ACTA2: variants seen among roughly 807,000 people sequenced by gnomAD.
The protein encoded by ACTA2 is actin alpha 2, smooth muscle.
Under a neutral mutation model 39.5 loss-of-function variants are expected in ACTA2, and 12 were observed. That is an observed-to-expected ratio of 0.30 (90% CI 0.19 to 0.49). ACTA2 has a LOEUF of 0.49. Ranked by LOEUF, ACTA2 falls within the 20% of genes least tolerant of loss-of-function variation. The pLI is 0.99. For synonymous variants in ACTA2, 158 were observed against 180.6 expected (o/e 0.88, Z 1.00); for missense variants, 236 against 498.8 (o/e 0.47, Z 5.02).
At chr10:88,952,033 A>C (rs1192696830) in intron 1 of ACTA2, among the ~76,000 whole-genome samples, 5 of 152,186 alleles carry the variant, frequency 3.3e-5, no homozygotes, top group African/African-American at 4.8e-5. Context: ...CAGCTGTCAG[A>C]TGCAGGCTCT....
intron 5 of ACTA2, 130 bp from the exon 6 acceptor site, chr10:88,941,520 G>T: frequency 8.2e-7 from 1 of 1,216,408 alleles, no homozygotes; most frequent in Non-Finnish European, 1.2e-6. Context: ...AACAGGGCAT[G>T]TGATAGGAGA....
chr10:88,963,025 CT>C (rs1846262148), intron 1 of ACTA2, among the ~76,000 whole-genome samples: 1 of 140,588 alleles, frequency 7.1e-6, no homozygotes, highest in Non-Finnish European at 1.5e-5. Flanking sequence ...TGGAACGCCC[CT>C]TTATGAAACC....
intron 1 of ACTA2, among the ~76,000 whole-genome samples, chr10:88,988,518 A>G (rs1468041503): frequency 6.7e-6 from 1 of 149,760 alleles, no homozygotes; most frequent in African/African-American, 2.5e-5. Flanking sequence ...AGAAACCAGG[A>G]TATCTTTTGA....
At chr10:88,961,378 C>T (rs1203938755) in intron 1 of ACTA2, among the ~76,000 whole-genome samples, 2 of 152,162 alleles carry the variant, frequency 1.3e-5, no homozygotes, top group East Asian at 3.8e-4. Flanking sequence ...TGTGAAGAGA[C>T]TTTTAAGTAT....
intron 1 of ACTA2, among the ~76,000 whole-genome samples, chr10:88,976,771 T>G (rs1432074730): frequency 6.6e-6 from 1 of 152,234 alleles, no homozygotes; most frequent in African/African-American, 2.4e-5. Context: ...CTTGAAAGTA[T>G]TTTTACTAAA....
intron 7 of ACTA2, 66 bp from the exon 8 acceptor site, chr10:88,938,308 C>A (rs967125145): frequency 3.3e-6 from 5 of 1,538,376 alleles, no homozygotes; most frequent in Admixed American, 1.7e-5. Context: ...CATGGAAGAC[C>A]AGACTTGAAC....
chr10:88,936,992 T>C (rs1442497724), intron 8 of ACTA2, among the ~76,000 whole-genome samples: 1 of 152,130 alleles, frequency 6.6e-6, no homozygotes, highest in Admixed American at 6.5e-5. Flanking sequence ...CCTCTTTCTG[T>C]TATCGACCCT....
Position 88,939,615 on chromosome 10 carries a change from A to T in ACTA2, c.700T>A (p.Ser234Thr). 2 of 1,614,118 alleles carry T rather than the reference A, an allele frequency of 1.2e-6. No homozygotes were observed. The highest frequency in any genetic ancestry group is 1.7e-6 in the Non-Finnish European group (2 of 1,179,980). ...TAACTCTTCTCAAGGGAGGATGAGG[A>T]TGCGGCAGTGGCCATCTCATTTTCA... ...DFENEMATAA[S>T]SSSLEKSYEL... Residue 234 changes from serine to threonine, a missense_variant, in exon 7 of 9, where the codon TCC (serine) becomes ACC (threonine). Transcript: ENST00000224784.
intron 6 of ACTA2, chr10:88,940,787 A>G (rs1845833399): frequency 3.5e-6 from 1 of 284,542 alleles, no homozygotes; most frequent in Admixed American, 4.3e-5. Context: ...CAATCATGTG[A>G]TATAGGGTCT....
intron 4 of ACTA2, among the ~76,000 whole-genome samples, chr10:88,942,354 G>C (rs1435138516): frequency 6.6e-6 from 1 of 152,216 alleles, no homozygotes; most frequent in Non-Finnish European, 1.5e-5. Context: ...TAAAGAAAGA[G>C]AACTTTTAAA....
chr10:88,950,463 A>G (rs1216976184), intron 1 of ACTA2, among the ~76,000 whole-genome samples: 1 of 152,256 alleles, frequency 6.6e-6, no homozygotes, highest in African/African-American at 2.4e-5. Context: ...GCATCTTGCC[A>G]AAGGCCTAAA....
At chr10:88,955,277 A>C (rs920151300), upstream of ACTA2, among the ~76,000 whole-genome samples, 1 of 152,226 alleles carries the variant, frequency 6.6e-6, no homozygotes, top group African/African-American at 2.4e-5. Context: ...AAATAGCCGT[A>C]TAATATTGAT....
At chr10:88,943,380 A>G (rs1845890165) in intron 4 of ACTA2, among the ~76,000 whole-genome samples, 1 of 152,214 alleles carries the variant, frequency 6.6e-6, no homozygotes. Context: ...CAACTTATAG[A>G]CAAGGAAACT....
At chr10:88,956,418 C>T (rs1026840092), upstream of ACTA2, among the ~76,000 whole-genome samples, 8 of 152,218 alleles carry the variant, frequency 5.3e-5, no homozygotes, top group African/African-American at 1.9e-4. Context: ...CACTAATCCT[C>T]CTGTCTCCCT....
intron 1 of ACTA2, among the ~76,000 whole-genome samples, chr10:88,965,855 T>C (rs763797303): frequency 2.4e-4 from 37 of 152,166 alleles, no homozygotes; most frequent in Non-Finnish European, 4.7e-4. Flanking sequence ...CCGTAATGAC[T>C]AACTTTTGAG....
At chr10:88,942,335 TC>T (rs2133257711) in intron 4 of ACTA2, among the ~76,000 whole-genome samples, 1 of 152,314 alleles carries the variant, frequency 6.6e-6, no homozygotes, top group East Asian at 1.9e-4. Context: ...GGTTTTGATT[TC>T]CCTGGTATAA....
intron 2 of ACTA2, among the ~76,000 whole-genome samples, 163 bp from the exon 3 acceptor site, chr10:88,947,549 T>A (rs1490021277): frequency 2.0e-5 from 3 of 152,228 alleles, no homozygotes; most frequent in Non-Finnish European, 4.4e-5. Context: ...TTAAGCAAAA[T>A]TCTGCAGTTG....
At chr10:88,936,845 A>G (rs556657293) in intron 8 of ACTA2, among the ~76,000 whole-genome samples, 1 of 152,218 alleles carries the variant, frequency 6.6e-6, no homozygotes, top group East Asian at 1.9e-4. Flanking sequence ...ATTTTTGCCA[A>G]ATGTTATCAT....
intron 1 of ACTA2, among the ~76,000 whole-genome samples, chr10:88,951,946 C>T (rs901864023): frequency 9.9e-5 from 15 of 152,212 alleles, no homozygotes; most frequent in African/African-American, 3.6e-4. Flanking sequence ...GCTGCACAGT[C>T]ACACTTGCCT....
Sources: gnomAD v4.1 joint callset for allele counts (sites outside exome capture counted in the v4.1 genomes callset) on GRCh38, gnomAD v4.1.1 for gene constraint, MANE v1.5 for transcripts, NCBI Gene and HGNC (gene_info 2026-07-23, HGNC 2026-07-21) for gene names.